Variants in GNG7 observed in about 807,000 individuals in gnomAD.
GNG7 encodes guanine nucleotide-binding protein G(I)/G(S)/G(O) subunit gamma-7.
GNG7 carries 1 observed loss-of-function variant against 4.0 expected under a neutral mutation model. The observed-to-expected ratio is 0.25, with a 90% CI of 0.09 to 1.18. GNG7 has a LOEUF of 1.18. Among genes scored for constraint, GNG7 ranks in the 50% most tolerant of loss-of-function variants. The probability of loss-of-function intolerance (pLI) is 0.50; values close to 1 mark genes in which losing one functional copy is unlikely to be tolerated. For synonymous variants in GNG7, 34 were observed against 36.9 expected (o/e 0.92, Z 0.29); for missense variants, 86 against 91.9 (o/e 0.94, Z 0.26).
intron 4 of GNG7, among the ~76,000 whole-genome samples, chr19:2,516,591 C>T (rs1478952572): frequency 6.6e-6 from 1 of 152,180 alleles, no homozygotes; most frequent in Non-Finnish European, 1.5e-5. Flanking sequence ...ATTTTGAACA[C>T]AAAGGGTCAG....
chr19:2,600,908 C>T (rs9789259), intron 2 of GNG7, among the ~76,000 whole-genome samples: 22,810 of 151,966 alleles, frequency 0.15, 3,786 homozygotes, highest in African/African-American at 0.38. Flanking sequence ...AGAGAAAATG[C>T]GATCCAAGAT....
intron 3 of GNG7, among the ~76,000 whole-genome samples, chr19:2,528,955 G>A (rs541257571): frequency 6.6e-6 from 1 of 152,324 alleles, no homozygotes; most frequent in East Asian, 1.9e-4. Context: ...CCTGCACCCA[G>A]CGAATGTGGA....
chr19:2,669,536 C>A (rs1983397259), intron 1 of GNG7, among the ~76,000 whole-genome samples: 1 of 152,132 alleles, frequency 6.6e-6, no homozygotes, highest in African/African-American at 2.4e-5. Flanking sequence ...AAAACTACCA[C>A]TGTGGGTCAA....
intron 1 of GNG7, among the ~76,000 whole-genome samples, chr19:2,673,622 G>A (rs562818282): frequency 3.8e-4 from 57 of 151,094 alleles, no homozygotes; most frequent in African/African-American, 1.4e-3. Flanking sequence ...GAACCCAGGA[G>A]GTGGAGGTTG....
chr19:2,549,281 A>C lies in GNG7; in HGVS notation c.-38+5868T>G, dbSNP rs1007011386. Among the ~76,000 whole-genome samples the C allele has an allele frequency of 2.1e-5, 3 of 145,348 alleles. No individual in the cohort carries two copies. In the South Asian group the frequency reaches 6.6e-4, roughly 32 times the overall value. ...GGAGGAGGACATGCACGGAGGGCTT[A>C]AACAGGGCTGTGTTTTTTTTTTTTT... On this transcript the variant is annotated intron_variant, in intron 3 of 4. Coordinates refer to ENST00000382159, the MANE Select transcript of GNG7 (RefSeq NM_052847.3).
chr19:2,576,233 G>A (rs772831382), intron 2 of GNG7, among the ~76,000 whole-genome samples: 34 of 152,274 alleles, frequency 2.2e-4, no homozygotes, highest in African/African-American at 8.0e-4. Context: ...GGGCGGCCTC[G>A]GATGACGTGC....
chr19:2,542,761 C>T (rs1979004421), intron 3 of GNG7, among the ~76,000 whole-genome samples: 1 of 152,078 alleles, frequency 6.6e-6, no homozygotes, highest in African/African-American at 2.4e-5. Flanking sequence ...GGAGGGCCCC[C>T]CGGTGAGCAG....
intron 1 of GNG7, among the ~76,000 whole-genome samples, chr19:2,670,495 G>T (rs909551577): frequency 6.6e-6 from 1 of 152,258 alleles, no homozygotes; most frequent in Non-Finnish European, 1.5e-5. Flanking sequence ...GGTCAGACTT[G>T]CTGAGCTAGG....
chr19:2,523,550 T>C (rs908646743), intron 3 of GNG7, among the ~76,000 whole-genome samples: 1 of 152,104 alleles, frequency 6.6e-6, no homozygotes, highest in South Asian at 2.1e-4. Flanking sequence ...GCAACACGAA[T>C]GATCCCTGTT....
intron 2 of GNG7, among the ~76,000 whole-genome samples, chr19:2,591,232 G>A (rs1266118627): frequency 6.6e-6 from 1 of 152,052 alleles, no homozygotes; most frequent in African/African-American, 2.4e-5. Context: ...CCGATGATGT[G>A]GAAGAATAAT....
At chr19:2,571,424 A>G (rs1980142292) in intron 2 of GNG7, among the ~76,000 whole-genome samples, 1 of 152,036 alleles carries the variant, frequency 6.6e-6, no homozygotes, top group Non-Finnish European at 1.5e-5. Context: ...AGAACTGTGA[A>G]TGCTTCCAAA....
chr19:2,651,148 C>T (rs1380874063), intron 1 of GNG7, among the ~76,000 whole-genome samples: 2 of 152,044 alleles, frequency 1.3e-5, no homozygotes, highest in Admixed American at 6.6e-5. Context: ...CAGGGGACCT[C>T]GTGTACGAAG....
chr19:2,568,628 CATA>C (rs1980032959), intron 2 of GNG7, among the ~76,000 whole-genome samples: 1 of 135,732 alleles, frequency 7.4e-6, no homozygotes, highest in African/African-American at 2.7e-5. Flanking sequence ...CACATACACA[CATA>C]TATACACATA....
Position 2,609,589 on chromosome 19 carries a change from G to A in GNG7, c.-78+36635C>T, listed in dbSNP as rs150022743. ...CTGGGTGGATTGCAGTGATGTTTGC[G>A]CACCACGTCCCGAGTGCCAGAGCAG... On this transcript the variant is annotated intron_variant, in intron 2 of 4. Coordinates refer to ENST00000382159, the MANE Select transcript of GNG7 (RefSeq NM_052847.3). This position sits in a 1 kb window ranked among gnomAD's most constrained non-coding sequence, Gnocchi z 4.4. 3.2e-3 allele frequency among the ~76,000 whole-genome samples: 484 copies of A among 152,230 alleles called. 1 individual carries two copies. Among genetic ancestry groups the A allele is most frequent in the African/African-American group, 0.011 (459 of 41,536 alleles).
At chr19:2,627,537 C>T (rs188416098) in intron 2 of GNG7, among the ~76,000 whole-genome samples, 1 of 152,366 alleles carries the variant, frequency 6.6e-6, no homozygotes, top group Non-Finnish European at 1.5e-5. Flanking sequence ...CCCAGGCGTG[C>T]CAGCCAGACC....
intron 1 of GNG7, among the ~76,000 whole-genome samples, chr19:2,654,756 C>T (rs929144246): frequency 1.4e-5 from 2 of 142,290 alleles, no homozygotes; most frequent in South Asian, 2.3e-4. Context: ...TTATTTTTTT[C>T]GAAATAATGA....
intron 2 of GNG7, among the ~76,000 whole-genome samples, chr19:2,584,457 T>C (rs896280604): frequency 2.7e-5 from 4 of 149,022 alleles, no homozygotes; most frequent in Non-Finnish European, 4.5e-5. Flanking sequence ...AATAAAAAAA[T>C]TAGCCAGGCA....
chr19:2,564,888 T>TA (rs111381080), intron 2 of GNG7, among the ~76,000 whole-genome samples: 25 of 132,556 alleles, frequency 1.9e-4, no homozygotes, highest in East Asian at 1.2e-3. Context: ...ATTGGTCATT[T>TA]AAAAAAAAAA....
Position 2,620,057 on chromosome 19 carries a change from C to A in GNG7, c.-78+26167G>T, listed in dbSNP as rs535307440. Among the ~76,000 whole-genome samples, 11 of 151,644 alleles carry A rather than the reference C, an allele frequency of 7.3e-5. No homozygotes were observed. In the South Asian group the frequency reaches 2.3e-3, roughly 32 times the overall value. On this transcript the variant is annotated intron_variant, in intron 2 of 4. Transcript: ENST00000382159. Reference sequence around the variant, plus strand: ...TACTAAAAATACAAAATTAGCCAGGCATGGTGGTGCGCGCCTGTATTCGCA... The same window carrying A: ...TACTAAAAATACAAAATTAGCCAGGAATGGTGGTGCGCGCCTGTATTCGCA...
Sources: allele counts gnomAD v4.1 joint callset (sites outside exome capture counted in the v4.1 genomes callset), GRCh38; gene constraint gnomAD v4.1.1; non-coding constraint Gnocchi (gnomAD v3.1); transcripts MANE v1.5; gene names NCBI Gene and HGNC (gene_info 2026-07-23, HGNC 2026-07-21).